The following SHISA9 variants were observed in gnomAD, a reference collection of about 807,000 sequenced individuals.
SHISA9 encodes the protein protein shisa-9.
SHISA9 carries 13 observed loss-of-function variants against 38.0 expected under a neutral mutation model. The ratio of observed to expected loss-of-function variants is 0.34; its 90% confidence interval spans 0.22 to 0.54. The LOEUF is 0.54. Ranked by LOEUF, SHISA9 falls within the 20% of genes least tolerant of loss-of-function variation. The pLI is 0.91. For missense variants in SHISA9, 538 were observed against 575.8 expected (o/e 0.93, Z 0.67); for synonymous variants, 275 against 242.0 (o/e 1.14, Z -1.27).
At chr16:13,424,118 A>C in the SHISA9 span, among the ~76,000 whole-genome samples, 34 of 152,322 alleles carry the variant, frequency 2.2e-4, no homozygotes, top group African/African-American at 8.2e-4. Flanking sequence ...AGGGGATTCT[A>C]TACAGTATGT....
intron 2 of SHISA9, among the ~76,000 whole-genome samples, chr16:12,967,676 A>G (rs138197406): frequency 8.7e-4 from 132 of 152,238 alleles, no homozygotes; most frequent in Middle Eastern, 3.4e-3. Flanking sequence ...AATAAAAAAA[A>G]AAAGAAATAC....
At position 13,006,611 on chromosome 16, in the gene SHISA9, G is replaced by T. The variant is rs545053983; in HGVS notation, c.691+89796G>T. 2.0e-5 allele frequency among the ~76,000 whole-genome samples: 3 copies of T among 152,326 alleles called. No homozygotes were observed. In the East Asian group the frequency reaches 5.8e-4, roughly 29 times the overall value. Reference sequence around the variant, plus strand: ...GCACAATGCCTGGCTCACAATAGGTGCTTACCAAATATTTATTGGATGGAC... The same window carrying T: ...GCACAATGCCTGGCTCACAATAGGTTCTTACCAAATATTTATTGGATGGAC... On this transcript the variant is annotated intron_variant, in intron 2 of 4. Transcript: ENST00000558583.
At chr16:13,511,282 A>G in the SHISA9 span, among the ~76,000 whole-genome samples, 1 of 152,234 alleles carries the variant, frequency 6.6e-6, no homozygotes, top group African/African-American at 2.4e-5. Context: ...TGTGATATTC[A>G]AAACATTATT....
At chr16:13,510,942 G>T in the SHISA9 span, among the ~76,000 whole-genome samples, 2 of 152,130 alleles carry the variant, frequency 1.3e-5, no homozygotes, top group African/African-American at 4.8e-5. Context: ...TTGTGTATGT[G>T]CCACTAGGTG....
At chr16:13,192,753 T>C (rs1223103090) in intron 2 of SHISA9, among the ~76,000 whole-genome samples, 1 of 152,126 alleles carries the variant, frequency 6.6e-6, no homozygotes, top group African/African-American at 2.4e-5. Context: ...CACGCACCTG[T>C]GGTCCCAGCT....
In SHISA9 at chr16:12,950,512, T is replaced by C. The variant is rs182401032; in HGVS notation, c.691+33697T>C. Reference sequence around the variant, plus strand: ...TGAGGATGTGGAGAAAAAGGAACTCTAGTGCACTGTTAGTGGTAATGTAAA... The same window carrying C: ...TGAGGATGTGGAGAAAAAGGAACTCCAGTGCACTGTTAGTGGTAATGTAAA... On this transcript the variant is annotated intron_variant, in intron 2 of 4. Transcript: ENST00000558583. Among the ~76,000 whole-genome samples, 473 of 152,300 alleles carry C rather than the reference T, an allele frequency of 3.1e-3. 1 individual carries two copies. Among genetic ancestry groups the C allele is most frequent in the African/African-American group, 0.011 (460 of 41,562 alleles).
At position 13,015,853 on chromosome 16, in the gene SHISA9, C is replaced by CCTTTCTTTGTTT. The variant is rs1555454797; in HGVS notation, c.691+99046_691+99047insGTTTCTTTCTTT. On this transcript the variant is annotated intron_variant, in intron 2 of 4. Transcript: ENST00000558583. ...TCTCTCTCTTTTCTTTCTTTCTTTC[C>CCTTTCTTTGTTT]CTTTCTTTCTTTCTTTCTTTCTTTC... is the stretch of plus-strand genomic sequence containing the variant. Among the ~76,000 whole-genome samples the CCTTTCTTTGTTT allele has an allele frequency of 5.8e-3, 573 of 98,606 alleles. 12 individuals carry two copies. Among genetic ancestry groups the CCTTTCTTTGTTT allele is most frequent in the Non-Finnish European group, 7.9e-3 (373 of 47,222 alleles). 64.7% of individuals were successfully genotyped at this position (98,606 alleles called of 152,430 possible).
At chr16:13,511,250 A>T in the SHISA9 span, among the ~76,000 whole-genome samples, 2 of 152,342 alleles carry the variant, frequency 1.3e-5, no homozygotes, top group African/African-American at 4.8e-5. Flanking sequence ...GTATTGCTAG[A>T]TATAGGGAAT....
At chr16:13,051,692 T>G (rs2073253012) in intron 2 of SHISA9, among the ~76,000 whole-genome samples, 1 of 152,172 alleles carries the variant, frequency 6.6e-6, no homozygotes, top group South Asian at 2.1e-4. Flanking sequence ...TTCCAGAGTT[T>G]CAAGACTACC....
intron 2 of SHISA9, among the ~76,000 whole-genome samples, chr16:13,162,748 A>G (rs1293583436): frequency 6.6e-6 from 1 of 152,184 alleles, no homozygotes. Context: ...GAATCTTAGC[A>G]AAGTAGATGT....
chr16:13,173,344 C>G (rs2050704199), intron 2 of SHISA9, among the ~76,000 whole-genome samples: 1 of 148,102 alleles, frequency 6.8e-6, no homozygotes, highest in African/African-American at 2.5e-5. Flanking sequence ...ATTTCAGACA[C>G]TACAATGTGG....
intron 2 of SHISA9, among the ~76,000 whole-genome samples, chr16:13,043,368 G>A (rs763204341): frequency 6.6e-6 from 1 of 152,180 alleles, no homozygotes; most frequent in Non-Finnish European, 1.5e-5. Context: ...ACACCCAGGA[G>A]GAAAGAGAAA....
chr16:13,312,213 C>G, the SHISA9 span, among the ~76,000 whole-genome samples: 1 of 152,160 alleles, frequency 6.6e-6, no homozygotes, highest in African/African-American at 2.4e-5. Flanking sequence ...AGCATGAAAG[C>G]AGGCATGGAA....
At chr16:13,277,542 A>T in the SHISA9 span, among the ~76,000 whole-genome samples, 1 of 152,004 alleles carries the variant, frequency 6.6e-6, no homozygotes, top group Non-Finnish European at 1.5e-5. Context: ...GATTCTACCC[A>T]TTCATGAGCA....
chr16:13,524,129 C>T, the SHISA9 span, among the ~76,000 whole-genome samples: 2 of 152,052 alleles, frequency 1.3e-5, no homozygotes, highest in Non-Finnish European at 1.5e-5. Flanking sequence ...TTAACAGGGA[C>T]CTGGTTATGC....
chr16:13,529,802 C>T, the SHISA9 span, among the ~76,000 whole-genome samples: 1 of 152,328 alleles, frequency 6.6e-6, no homozygotes, highest in Middle Eastern at 3.4e-3. Flanking sequence ...TGATGTTCTT[C>T]AGGCAGTGCC....
chr16:13,020,638 G>C (rs1022595679), intron 2 of SHISA9, among the ~76,000 whole-genome samples: 1 of 152,122 alleles, frequency 6.6e-6, no homozygotes, highest in Non-Finnish European at 1.5e-5. Context: ...ATTTACAGGG[G>C]ACCCAATGTT....
At chr16:13,334,112 C>T in the SHISA9 span, among the ~76,000 whole-genome samples, 1 of 152,174 alleles carries the variant, frequency 6.6e-6, no homozygotes, top group African/African-American at 2.4e-5. Context: ...CCGATGCTAT[C>T]TCATTTCATA....
intron 2 of SHISA9, among the ~76,000 whole-genome samples, chr16:13,030,361 G>T (rs1255093558): frequency 6.6e-6 from 1 of 152,128 alleles, no homozygotes; most frequent in East Asian, 1.9e-4. Flanking sequence ...TAGCCACCCA[G>T]CTTTCTCATT....
Sources: gnomAD v4.1 joint callset for allele counts (sites outside exome capture counted in the v4.1 genomes callset) on GRCh38, gnomAD v4.1.1 for gene constraint, MANE v1.5 for transcripts, NCBI Gene and HGNC (gene_info 2026-07-23, HGNC 2026-07-21) for gene names.